SPATS2: variants seen among roughly 807,000 people sequenced by gnomAD.
The protein encoded by SPATS2 is spermatogenesis-associated serine-rich protein 2.
SPATS2 carries 38 observed loss-of-function variants against 63.7 expected under a neutral mutation model. That is an observed-to-expected ratio of 0.60 (90% CI 0.46 to 0.78). The LOEUF is 0.78. SPATS2 is among the 30% of genes least tolerant of loss of function. The probability of loss-of-function intolerance (pLI) is 0.00; values close to 1 mark genes in which losing one functional copy is unlikely to be tolerated. For synonymous variants in SPATS2, 207 were observed against 232.9 expected, an observed-to-expected ratio of 0.89 and a Z score of 1.01; for missense variants, 588 against 666.2, an observed-to-expected ratio of 0.88 and a Z score of 1.29.
At chr12:49,444,898 C>A (rs887109612) in intron 2 of SPATS2, among the ~76,000 whole-genome samples, 1 of 152,136 alleles carries the variant, frequency 6.6e-6, no homozygotes, top group African/African-American at 2.4e-5. Flanking sequence ...GCCACTGCAC[C>A]CAGCCAGATA....
At chr12:49,426,903 T>G (rs1945087889) in intron 2 of SPATS2, among the ~76,000 whole-genome samples, 1 of 152,176 alleles carries the variant, frequency 6.6e-6, no homozygotes. Flanking sequence ...TGATTGATGT[T>G]TAGGTTTGTT....
At chr12:49,434,086 C>G (rs1301915116) in intron 2 of SPATS2, among the ~76,000 whole-genome samples, 1 of 152,046 alleles carries the variant, frequency 6.6e-6, no homozygotes, top group African/African-American at 2.4e-5. Context: ...ATCTTTTGAC[C>G]ATATATGTGA....
intron 3 of SPATS2, among the ~76,000 whole-genome samples, chr12:49,464,178 G>A (rs977970725): frequency 1.3e-5 from 2 of 152,082 alleles, no homozygotes; most frequent in Non-Finnish European, 2.9e-5. Context: ...GTAAATTTAT[G>A]GAGTTGTGCA....
chr12:49,487,161 C>T (rs937011009), intron 4 of SPATS2, among the ~76,000 whole-genome samples: 1 of 152,044 alleles, frequency 6.6e-6, no homozygotes, highest in Admixed American at 6.5e-5. Context: ...AAATGTATCT[C>T]TCTAAACCCA....
intron 3 of SPATS2, among the ~76,000 whole-genome samples, chr12:49,470,052 G>A (rs1946006905): frequency 1.3e-5 from 2 of 151,734 alleles, no homozygotes; most frequent in South Asian, 4.2e-4. Flanking sequence ...TTTTGAGATG[G>A]AGTTTTGCTT....
intron 6 of SPATS2, 24 bp downstream of exon 6, chr12:49,490,755 C>A: frequency 6.2e-7 from 1 of 1,607,256 alleles, no homozygotes; most frequent in Non-Finnish European, 8.5e-7. Flanking sequence ...CATTTAAAAG[C>A]ATGATGATGT....
At chr12:49,419,517 G>C (rs1182196073) in intron 2 of SPATS2, among the ~76,000 whole-genome samples, 2 of 152,194 alleles carry the variant, frequency 1.3e-5, no homozygotes, top group African/African-American at 4.8e-5. Flanking sequence ...TAATTCCATA[G>C]AGACTAGTGG....
chr12:49,525,117 G>A (rs1947011023), intron 13 of SPATS2, among the ~76,000 whole-genome samples: 1 of 152,186 alleles, frequency 6.6e-6, no homozygotes, highest in African/African-American at 2.4e-5. Context: ...TGACTTTCTT[G>A]TGTTGGCAGT....
At chr12:49,380,518 C>T (rs1944197629) in intron 2 of SPATS2, among the ~76,000 whole-genome samples, 1 of 151,986 alleles carries the variant, frequency 6.6e-6, no homozygotes, top group African/African-American at 2.4e-5. Flanking sequence ...TCAGCCTGGC[C>T]AACATGGCAA....
At chr12:49,458,080 A>G (rs538469266) in intron 2 of SPATS2, among the ~76,000 whole-genome samples, 5 of 152,314 alleles carry the variant, frequency 3.3e-5, no homozygotes, top group African/African-American at 9.6e-5. Context: ...ATTTAATATA[A>G]GTGTACTCTC....
chr12:49,429,847 C>A (rs1945149194), intron 2 of SPATS2, among the ~76,000 whole-genome samples: 2 of 146,946 alleles, frequency 1.4e-5, no homozygotes, highest in African/African-American at 2.5e-5. Context: ...GTGGCATGAT[C>A]TCAGCTCACT....
chr12:49,402,665 A>G (rs1944626924), intron 2 of SPATS2, among the ~76,000 whole-genome samples: 1 of 152,304 alleles, frequency 6.6e-6, no homozygotes, highest in East Asian at 1.9e-4. Flanking sequence ...TGAACCAGGA[A>G]CTAAAGTCTT....
rs1355334485 is a variant in SPATS2, at chr12:49,493,526, C to T, written c.265-1215C>T. 2.0e-5 allele frequency among the ~76,000 whole-genome samples: 3 copies of T among 152,042 alleles called. No homozygotes were observed. In the East Asian group the frequency reaches 5.8e-4, roughly 29 times the overall value. On this transcript the variant is annotated intron_variant, in intron 6 of 13. Coordinates refer to ENST00000552918, the MANE Select transcript of SPATS2 (RefSeq NM_023071.4). ...AAGTGATTCTCCTGCCTCAGCCTCC[C>T]GAGTAGGTGGGATTACAGGCATGTG...
At chr12:49,470,177 G>A (rs1200837984) in intron 3 of SPATS2, among the ~76,000 whole-genome samples, 4 of 151,774 alleles carry the variant, frequency 2.6e-5, no homozygotes, top group Non-Finnish European at 5.9e-5. Context: ...GATTACAGAC[G>A]TCCACCACCA....
intron 2 of SPATS2, among the ~76,000 whole-genome samples, chr12:49,398,652 C>A (rs1019382200): frequency 1.3e-5 from 2 of 152,166 alleles, no homozygotes; most frequent in Non-Finnish European, 2.9e-5. Context: ...AATTTTCAAA[C>A]ATGAGAAATC....
At chr12:49,476,775 C>G (rs1416581406) in intron 3 of SPATS2, among the ~76,000 whole-genome samples, 6 of 152,166 alleles carry the variant, frequency 3.9e-5, no homozygotes, top group Admixed American at 2.6e-4. Context: ...GGGATTATTA[C>G]CAGAACAAAC....
chr12:49,513,493 G>A (rs1946786950), intron 9 of SPATS2, among the ~76,000 whole-genome samples: 1 of 151,972 alleles, frequency 6.6e-6, no homozygotes, highest in Non-Finnish European at 1.5e-5. Context: ...TGAAGGCTGT[G>A]GGCTCTTTTA....
chr12:49,524,799 C>T lies in SPATS2; in HGVS notation c.1229C>T (p.Pro410Leu). 6.2e-7 allele frequency: 1 copy of T among 1,614,164 alleles called. No individual in the cohort carries two copies. The highest frequency in any genetic ancestry group is 8.5e-7 in the Non-Finnish European group (1 of 1,180,040). Residue 410 changes from proline to leucine, a missense_variant, in exon 13 of 14, where the codon CCC becomes CTC. Physicochemically the swap from Pro to Leu is moderately conservative, Grantham distance 98 (BLOSUM62 -3). Transcript: ENST00000552918. ...AASSSTCASPPSLTSANKKNF... is the reference protein window; with the variant it reads ...AASSSTCASPLSLTSANKKNF... ...TCCTCTTCCACCTGTGCCTCTCCTC[C>T]CAGCCTTACAAGTGCTAACAAGAAA...
intron 2 of SPATS2, among the ~76,000 whole-genome samples, chr12:49,402,106 A>G (rs1592362829): frequency 6.6e-6 from 1 of 152,214 alleles, no homozygotes; most frequent in Non-Finnish European, 1.5e-5. Context: ...CCTCCCAAGT[A>G]GCTGGGAGTA....
Sources: allele counts gnomAD v4.1 joint callset (sites outside exome capture counted in the v4.1 genomes callset), GRCh38; gene constraint gnomAD v4.1.1; transcripts MANE v1.5; gene names NCBI Gene and HGNC (gene_info 2026-07-23, HGNC 2026-07-21).